The following ADH5 variants were observed in gnomAD, a reference collection of about 807,000 sequenced individuals.
ADH5 encodes alcohol dehydrogenase class-3.
ADH5 carries 32 observed loss-of-function variants against 40.3 expected under a neutral mutation model. That is an observed-to-expected ratio of 0.79 (90% CI 0.60 to 1.07). ADH5 has a LOEUF of 1.07. ADH5 is among the 50% of genes least tolerant of loss of function. ADH5 has a pLI of 0.00. For synonymous variants in ADH5, 125 were observed against 154.3 expected (o/e 0.81, Z 1.41); for missense variants, 353 against 460.5 (o/e 0.77, Z 2.14).
intron 4 of ADH5, among the ~76,000 whole-genome samples, chr4:99,077,973 T>C (rs1727959383): frequency 6.6e-6 from 1 of 152,196 alleles, no homozygotes; most frequent in African/African-American, 2.4e-5. Context: ...CTTTACAAAT[T>C]GCTATAAAAG....
chr4:99,077,503 A>G (rs1482280087), intron 4 of ADH5, among the ~76,000 whole-genome samples: 1 of 152,162 alleles, frequency 6.6e-6, no homozygotes, highest in African/African-American at 2.4e-5. Context: ...TCAAAAATAA[A>G]AAAAAATAAA....
intron 4 of ADH5, among the ~76,000 whole-genome samples, chr4:99,077,308 G>C (rs535040670): frequency 6.6e-6 from 1 of 152,154 alleles, no homozygotes; most frequent in South Asian, 2.1e-4. Flanking sequence ...GGACAACTTG[G>C]AGCCAGGATT....
intron 4 of ADH5, among the ~76,000 whole-genome samples, chr4:99,077,398 T>G (rs1259669632): frequency 6.6e-6 from 1 of 151,950 alleles, no homozygotes; most frequent in Non-Finnish European, 1.5e-5. Flanking sequence ...AGCACGTGCC[T>G]GCAGGAGGTT....
At position 99,072,450 on chromosome 4, in the gene ADH5, G is replaced by A; in HGVS notation, c.1101-9C>T. 6.2e-7 allele frequency: 1 copy of A among 1,613,108 alleles called. No homozygotes were observed. The highest frequency in any genetic ancestry group is 1.3e-5 in the African/African-American group (1 of 75,008). On this transcript the variant is annotated splice_polypyrimidine_tract_variant and intron_variant, in intron 8 of 8. Coordinates refer to ENST00000296412, the MANE Select transcript of ADH5 (RefSeq NM_000671.4). ...TTACAACAGTTCGAATGCTGTAAAAGGAAGCAACATACTAAGTTTTAAATG... is the reference window on the plus strand; with the variant it reads ...TTACAACAGTTCGAATGCTGTAAAAAGAAGCAACATACTAAGTTTTAAATG...
Position 99,076,688 on chromosome 4 carries a change from C to G in ADH5, c.564+16G>C. 6.2e-7 allele frequency: 1 copy of G among 1,608,726 alleles called. No homozygotes were observed. The highest frequency in any genetic ancestry group is 8.5e-7 in the Non-Finnish European group (1 of 1,178,036). ...AATTAGAAGGCAGAAGCAAAAAACC[C>G]AAGTCAGTCTCTTACCTTGGCAGTG... On this transcript the variant is annotated intron_variant, in intron 5 of 8. Transcript: ENST00000296412.
intron 6 of ADH5, chr4:99,076,055 C>A: frequency 2.1e-6 from 1 of 485,338 alleles, no homozygotes. Flanking sequence ...CTTTTCATTT[C>A]ATGAGACATG....
Position 99,072,115 on chromosome 4 carries a change from G to GT in ADH5, c.*301dup, listed in dbSNP as rs1727846031. Reference sequence around the variant, plus strand: ...AATGAAGATAATGGGCAGACAAACCGTGACAATGATGACAGCATAAAACAA... The same window carrying GT: ...AATGAAGATAATGGGCAGACAAACCGTTGACAATGATGACAGCATAAAACAA... On this transcript the variant is annotated 3_prime_UTR_variant, in exon 9 of 9. Coordinates refer to ENST00000296412, the MANE Select transcript of ADH5 (RefSeq NM_000671.4). 1.3e-5 allele frequency: 4 copies of GT among 296,724 alleles called. No individual in the cohort carries two copies. In the South Asian group the frequency reaches 4.1e-4, roughly 30 times the overall value. 18.4% of individuals were successfully genotyped at this position (296,724 alleles called of 1,614,324 possible). A position where few individuals can be genotyped will look rare whatever the true frequency, so the allele number is the denominator to read the frequency against.
rs1727846425 is a variant in ADH5, at chr4:99,072,148, T to C, written c.*269A>G. On this transcript the variant is annotated 3_prime_UTR_variant, in exon 9 of 9. Coordinates refer to ENST00000296412, the MANE Select transcript of ADH5 (RefSeq NM_000671.4). ...GATGACAGCATAAAACAAGACAATT[T>C]CCACACAAATGTAGAAATTACTTTT... The C allele has an allele frequency of 2.6e-6, 1 of 379,028 alleles. No homozygotes were observed. Among genetic ancestry groups the C allele is most frequent in the Non-Finnish European group, 4.7e-6 (1 of 211,772 alleles). 23.5% of individuals were successfully genotyped at this position (379,028 alleles called of 1,614,324 possible).
In ADH5 at chr4:99,073,217, C is replaced by T. The variant is rs29001542; in HGVS notation, c.962-506G>A. Among the ~76,000 whole-genome samples the T allele has an allele frequency of 4.5e-3, 691 of 152,370 alleles. 6 individuals carry two copies. Among genetic ancestry groups the T allele is most frequent in the African/African-American group, 0.016 (665 of 41,592 alleles). On this transcript the variant is annotated intron_variant, in intron 7 of 8. Transcript: ENST00000296412. ...TTTTTGAGACGGAGTCTCGCTCTAT[C>T]GCCTAGGCTGGAGTACAGTTGCGTG...
At chr4:99,085,431 T>C in intron 1 of ADH5, 1 of 404,232 alleles carries the variant, frequency 2.5e-6, no homozygotes, top group Non-Finnish European at 4.4e-6. Context: ...GATAGAAAAG[T>C]ATCTTTTGGT....
At chr4:99,080,469 A>G (rs987602676) in intron 4 of ADH5, 1 of 151,092 alleles carries the variant, frequency 6.6e-6, no homozygotes, top group African/African-American at 2.5e-5. Flanking sequence ...AGGTGGAGTC[A>G]CTCCCCTGGT....
intron 1 of ADH5, 157 bp from the exon 2 acceptor site, chr4:99,085,373 CAA>C (rs896761457): frequency 9.1e-6 from 4 of 441,762 alleles, no homozygotes; most frequent in Non-Finnish European, 1.6e-5. Context: ...AGATTTCACA[CAA>C]ATAGTATACA....
chr4:99,087,590 T>C (rs1385953597), intron 1 of ADH5, among the ~76,000 whole-genome samples: 3 of 152,216 alleles, frequency 2.0e-5, no homozygotes, highest in African/African-American at 7.2e-5. Context: ...AATTAAGTTA[T>C]GCAACATAGG....
At chr4:99,081,229 A>G (rs1269748032) in intron 4 of ADH5, 136 bp downstream of exon 4, 6 of 661,260 alleles carry the variant, frequency 9.1e-6, no homozygotes, top group Non-Finnish European at 1.6e-5. Context: ...TTCGGGACTC[A>G]GTCCTTTGAA....
intron 2 of ADH5, 67 bp from the exon 3 acceptor site, chr4:99,082,183 GAA>G (rs1728039202): frequency 6.7e-7 from 1 of 1,488,064 alleles, no homozygotes; most frequent in South Asian, 1.3e-5. Context: ...ACAGATACAA[GAA>G]AAGTCATTTT....
At position 99,085,122 on chromosome 4, in the gene ADH5, C is replaced by T. The variant is rs201786928; in HGVS notation, c.107G>A (p.Arg36Gln). 116 of 1,501,698 alleles carry T rather than the reference C, an allele frequency of 7.7e-5. No individual in the cohort carries two copies. In the Middle Eastern group the frequency reaches 8.8e-4, roughly 11 times the overall value. 93.0% of individuals were successfully genotyped at this position (1,501,698 alleles called of 1,614,324 possible). ...CCTTAAATGTATCATTACCTTGATT[C>T]GAACTTCATGAGCCTTTGGGGGTGC... ...EVAPPKAHEV[R>Q]IKIIATAVCH... Residue 36 changes from arginine (R) to glutamine (Q), a missense_variant, in exon 2 of 9, where the codon CGA becomes CAA. Physicochemically the swap from Arg to Gln is conservative, Grantham distance 43. Transcript: ENST00000296412.
At position 99,076,803 on chromosome 4, in the gene ADH5, G is replaced by T. The variant is rs776210498; in HGVS notation, c.465C>A (p.Ile155=). Residue 155 remains isoleucine, a synonymous_variant, in exon 5 of 9, where the codon ATC becomes ATA. Coordinates refer to ENST00000296412, the MANE Select transcript of ADH5 (RefSeq NM_000671.4). ...TFSEYTVVAD[I]SVAKIDPLAP... ...CTAAAGGATCTATTTTAGCAACAGA[G>T]ATATCAGCCACAACTGTGTATTCAG... 6.2e-7 allele frequency: 1 copy of T among 1,613,856 alleles called. No homozygotes were observed. Among genetic ancestry groups the T allele is most frequent in the African/African-American group, 1.3e-5 (1 of 74,924 alleles).
At chr4:99,079,191 T>C (rs763546004) in intron 4 of ADH5, among the ~76,000 whole-genome samples, 5 of 152,102 alleles carry the variant, frequency 3.3e-5, no homozygotes, top group Non-Finnish European at 7.4e-5. Context: ...TCAAAAGACA[T>C]GTATAAATAA....
Position 99,088,202 on chromosome 4 carries a change from C to T in ADH5, c.12+487G>A, listed in dbSNP as rs29001344. ...ATGTTTCTGAAAGGGACGTAGGGGT[C>T]TTTCCAAAATACACTCCTTGGAGGC... On this transcript the variant is annotated intron_variant, in intron 1 of 8. Coordinates refer to ENST00000296412, the MANE Select transcript of ADH5 (RefSeq NM_000671.4). Among the ~76,000 whole-genome samples the T allele has an allele frequency of 1.8e-3, 278 of 152,258 alleles. 1 individual carries two copies. The highest frequency in any genetic ancestry group is 3.0e-3 in the Non-Finnish European group (205 of 68,002).
Sources: allele counts gnomAD v4.1 joint callset (sites outside exome capture counted in the v4.1 genomes callset), GRCh38; gene constraint gnomAD v4.1.1; transcripts MANE v1.5; gene names NCBI Gene and HGNC (gene_info 2026-07-23, HGNC 2026-07-21).